SPHKAP: variants seen among roughly 807,000 people sequenced by gnomAD.
The protein encoded by SPHKAP is SPHK1 interactor, AKAP domain containing, also known as A-kinase anchor protein SPHKAP.
SPHKAP carries 67 observed loss-of-function variants against 137.5 expected under a neutral mutation model. The observed-to-expected ratio is 0.49, with a 90% CI of 0.40 to 0.60. The LOEUF is 0.60. Among genes scored for constraint, SPHKAP ranks in the 20% least tolerant of loss-of-function variants. SPHKAP has a pLI of 0.00. For missense variants in SPHKAP, 2,097 were observed against 2,069.3 expected, an observed-to-expected ratio of 1.01 and a Z score of -0.26; for synonymous variants, 813 against 785.3, an observed-to-expected ratio of 1.04 and a Z score of -0.59.
At chr2:228,126,690 G>C (rs916027098) in intron 2 of SPHKAP, among the ~76,000 whole-genome samples, 11 of 152,152 alleles carry the variant, frequency 7.2e-5, no homozygotes, top group Admixed American at 4.6e-4. Flanking sequence ...GGTCATCCTA[G>C]CTCTGGGGAA....
At chr2:228,168,667 A>C (rs1015120806) in intron 1 of SPHKAP, among the ~76,000 whole-genome samples, 1 of 152,102 alleles carries the variant, frequency 6.6e-6, no homozygotes, top group Non-Finnish European at 1.5e-5. Flanking sequence ...CCAAGACAAA[A>C]TAATATTGAT....
Position 227,991,053 on chromosome 2 carries a change from G to C in SPHKAP, c.4906C>G (p.Leu1636Val). 7 of 1,614,178 alleles carry C rather than the reference G, an allele frequency of 4.3e-6. No homozygotes were observed. The highest frequency in any genetic ancestry group is 5.9e-6 in the Non-Finnish European group (7 of 1,180,020). The stretch of plus-strand genomic sequence containing the variant: ...TTAAAGTAGATGGTGGGAATCCCCA[G>C]TTCAGAGGCAGCTATCCACTGCAGA... ...ATLQWIAASE[L>V]GIPTIYFKKS... The change falls in exon 11 of 12, where the codon CTG becomes GTG. Residue 1636 changes from leucine (L) to valine (V), a missense_variant. By Grantham distance (32) the Leu-to-Val change is conservative (BLOSUM62 1). Coordinates refer to ENST00000392056, the MANE Select transcript of SPHKAP (RefSeq NM_001142644.2).
At chr2:227,988,702 T>C (rs1454614799) in intron 11 of SPHKAP, among the ~76,000 whole-genome samples, 1 of 152,232 alleles carries the variant, frequency 6.6e-6, no homozygotes, top group Non-Finnish European at 1.5e-5. Flanking sequence ...CATTTTCCCA[T>C]GAGCCTGGGA....
intron 3 of SPHKAP, among the ~76,000 whole-genome samples, chr2:228,090,749 T>C (rs919682885): frequency 2.6e-5 from 4 of 152,050 alleles, no homozygotes; most frequent in Non-Finnish European, 5.9e-5. Context: ...TTTTTTTTTT[T>C]CAAAGGATGA....
chr2:228,069,599 A>T (rs535707309), intron 3 of SPHKAP, among the ~76,000 whole-genome samples: 60 of 151,212 alleles, frequency 4.0e-4, no homozygotes, highest in African/African-American at 1.4e-3. Context: ...TATTTAAAAG[A>T]AGTTTTTTTT....
intron 3 of SPHKAP, among the ~76,000 whole-genome samples, chr2:228,107,313 C>T (rs1351242864): frequency 1.3e-5 from 2 of 152,046 alleles, no homozygotes; most frequent in Non-Finnish European, 2.9e-5. Context: ...TTTTTTAATT[C>T]AATTTTTCAT....
At position 227,993,675 on chromosome 2, in the gene SPHKAP, C is replaced by T; in HGVS notation, c.4635-55G>A. Reference sequence around the variant, plus strand: ...CCCGTCTCCACCCTCTAACATGCTGCTGACAGTGATGTTCCATTGTTGTAC... The same window carrying T: ...CCCGTCTCCACCCTCTAACATGCTGTTGACAGTGATGTTCCATTGTTGTAC... On this transcript the variant is annotated intron_variant, in intron 8 of 11. Transcript: ENST00000392056. The T allele has an allele frequency of 4.9e-6, 7 of 1,441,424 alleles. No individual in the cohort carries two copies. In the East Asian group the frequency reaches 7.4e-5, roughly 15 times the overall value. The allele number at this position is 1,441,424 out of a possible 1,614,324, so 89.3% of individuals were successfully genotyped here.
chr2:228,111,214 C>G (rs1303334556), intron 2 of SPHKAP, among the ~76,000 whole-genome samples: 1 of 152,156 alleles, frequency 6.6e-6, no homozygotes. Flanking sequence ...ATCAACATTA[C>G]TGGTCTAACT....
intron 3 of SPHKAP, among the ~76,000 whole-genome samples, chr2:228,092,407 A>G (rs1183695958): frequency 2.6e-5 from 2 of 78,124 alleles, no homozygotes; most frequent in Non-Finnish European, 2.4e-5. Context: ...ACACATATAC[A>G]CATATATACA....
At chr2:228,139,297 C>T (rs1423466938) in intron 1 of SPHKAP, among the ~76,000 whole-genome samples, 1 of 152,036 alleles carries the variant, frequency 6.6e-6, no homozygotes, top group Non-Finnish European at 1.5e-5. Flanking sequence ...TTAGGCAACT[C>T]TAAATCTATC....
chr2:228,128,134 T>C (rs6734166), intron 2 of SPHKAP, among the ~76,000 whole-genome samples: 51,979 of 152,036 alleles, frequency 0.34, 9,173 homozygotes, highest in East Asian at 0.51. Flanking sequence ...TCTATTTTCA[T>C]GAAAGATTTC....
At chr2:228,109,511 T>C (rs1698449679) in intron 2 of SPHKAP, 1 of 286,260 alleles carries the variant, frequency 3.5e-6, no homozygotes, top group Non-Finnish European at 5.2e-6. Context: ...TAGCACGGTA[T>C]GGCAAAAATA....
chr2:228,030,513 C>CAAAAAAAAAAAAAAAAAACAACAA (rs1695251952), intron 3 of SPHKAP, among the ~76,000 whole-genome samples: 2 of 48,776 alleles, frequency 4.1e-5, no homozygotes, highest in Non-Finnish European at 8.0e-5. Flanking sequence ...GATACCATCT[C>CAAAAAAAAAAAAAAAAAACAACAA]AAAAAAAAAA....
intron 3 of SPHKAP, among the ~76,000 whole-genome samples, chr2:228,096,626 T>G: frequency 8.7e-6 from 1 of 114,564 alleles, no homozygotes; most frequent in African/African-American, 3.4e-5. Context: ...TGTTCAGGGG[T>G]CAACTGTGTG....
chr2:228,109,348 G>A, intron 2 of SPHKAP: 1 of 983,338 alleles, frequency 1.0e-6, no homozygotes, highest in Non-Finnish European at 1.2e-6. Context: ...TTTCATTGAT[G>A]GAATATTGAT....
At chr2:228,093,306 T>C (rs1697865488) in intron 3 of SPHKAP, among the ~76,000 whole-genome samples, 1 of 152,152 alleles carries the variant, frequency 6.6e-6, no homozygotes. Context: ...ATAATAAAAT[T>C]ATATGTCCAC....
chr2:228,030,566 T>TAAAA, intron 3 of SPHKAP, among the ~76,000 whole-genome samples: 1 of 132,808 alleles, frequency 7.5e-6, no homozygotes, highest in Non-Finnish European at 1.6e-5. Context: ...ATAAAAAAAT[T>TAAAA]AAAATATTCT....
intron 1 of SPHKAP, chr2:228,132,335 A>G (rs1373303922): frequency 6.0e-6 from 1 of 165,954 alleles, no homozygotes; most frequent in Non-Finnish European, 1.2e-5. Flanking sequence ...GCTTTGATGG[A>G]CATCATTGCA....
intron 2 of SPHKAP, among the ~76,000 whole-genome samples, chr2:228,113,952 T>C (rs1698616361): frequency 6.6e-6 from 1 of 152,088 alleles, no homozygotes; most frequent in Non-Finnish European, 1.5e-5. Flanking sequence ...GTGAAAAGCT[T>C]TTAGTTTCAT....
Sources: allele counts gnomAD v4.1 joint callset (sites outside exome capture counted in the v4.1 genomes callset), GRCh38; gene constraint gnomAD v4.1.1; transcripts MANE v1.5; gene names NCBI Gene and HGNC (gene_info 2026-07-23, HGNC 2026-07-21).